The following PLOD1 variants were observed in gnomAD, a reference collection of about 807,000 sequenced individuals.
PLOD1 encodes the protein lysine hydroxylase.
In PLOD1, 70 loss-of-function variants were observed where a neutral mutation model predicts 94.7. The ratio of observed to expected loss-of-function variants is 0.74; its 90% CI spans 0.61 to 0.90. The LOEUF is 0.90. PLOD1 is among the 40% of genes least tolerant of loss of function. The probability of loss-of-function intolerance (pLI) is 0.00; values close to 1 mark genes in which losing one functional copy is unlikely to be tolerated. For missense variants in PLOD1, 905 were observed against 972.7 expected (o/e 0.93, Z 0.93); for synonymous variants, 417 against 400.2 (o/e 1.04, Z -0.50).
intron 1 of PLOD1, among the ~76,000 whole-genome samples, chr1:11,942,785 A>G (rs1422380013): frequency 2.0e-5 from 3 of 152,068 alleles, no homozygotes; most frequent in Non-Finnish European, 4.4e-5. Flanking sequence ...AAAGGTAGGA[A>G]AAATCCAGAC....
In PLOD1 at chr1:11,947,984, T is replaced by C; in HGVS notation, c.85T>C (p.Leu29=). The stretch of plus-strand genomic sequence containing the variant: ...CCCTCCTCTGTCTGCAGACAACCTT[T>C]TAGTCCTCACGGTGGCCACTAAGGA... ...KGDAKPEDNL[L]VLTVATKETE... The change falls in exon 2 of 19, where the codon TTA becomes CTA. Residue 29 remains leucine, a synonymous_variant. Transcript: ENST00000196061. The C allele has an allele frequency of 6.2e-7, 1 of 1,610,728 alleles. No individual in the cohort carries two copies.
rs991268106 is a variant in PLOD1, at chr1:11,934,717, G to A, written c.-63G>A. On this transcript the variant is annotated 5_prime_UTR_variant, in exon 1 of 19. Transcript: ENST00000196061. ...GCGTGGCAGCGGGACCTGCGGCCCC[G>A]TCGCGAAGTTTCCAGCCCTGCGAGC... The A allele has an allele frequency of 1.3e-6, 2 of 1,507,074 alleles. No homozygotes were observed. The highest frequency in any genetic ancestry group is 1.4e-5 in the African/African-American group (1 of 69,026). The allele number at this position is 1,507,074 out of a possible 1,614,324, so 93.4% of individuals were successfully genotyped here.
chr1:11,953,725 G>A (rs535451617), intron 5 of PLOD1, among the ~76,000 whole-genome samples: 1 of 151,728 alleles, frequency 6.6e-6, no homozygotes, highest in Admixed American at 6.6e-5. Context: ...CTGGGAGGCG[G>A]AGGTTGCAGT....
rs1645690340 is a variant in PLOD1 at position 11,950,352 on chromosome 1, C to T, written c.303-5C>T. On this transcript the variant is annotated splice_polypyrimidine_tract_variant and splice_region_variant and intron_variant, in intron 3 of 18. Transcript: ENST00000196061. The stretch of plus-strand genomic sequence containing the variant: ...TGCTCCGTCTTCTCGCTGCTCTGGC[C>T]ACAGCTATGACGTGCTGTTTGCATC... 1 of 1,614,026 alleles carries T rather than the reference C, an allele frequency of 6.2e-7. No homozygotes were observed. The highest frequency in any genetic ancestry group is 8.5e-7 in the Non-Finnish European group (1 of 1,179,940).
chr1:11,960,008 C>T (rs193273040), intron 9 of PLOD1, among the ~76,000 whole-genome samples: 2 of 145,664 alleles, frequency 1.4e-5, no homozygotes, highest in Non-Finnish European at 3.0e-5. Context: ...TGGCTCACTG[C>T]AACCTCCGCC....
intron 1 of PLOD1, among the ~76,000 whole-genome samples, chr1:11,947,236 C>CA (rs58975312): frequency 0.085 from 10,559 of 124,012 alleles, 1,001 homozygotes; most frequent in African/African-American, 0.25. Flanking sequence ...GATGCTGTCT[C>CA]AAAAAAAAAA....
At chr1:11,939,217 G>C (rs1350206866) in intron 1 of PLOD1, among the ~76,000 whole-genome samples, 1 of 152,082 alleles carries the variant, frequency 6.6e-6, no homozygotes, top group Non-Finnish European at 1.5e-5. Flanking sequence ...TGGATGGTGT[G>C]GGGGTGGGGC....
At chr1:11,944,350 C>T (rs575390299) in intron 1 of PLOD1, among the ~76,000 whole-genome samples, 1 of 152,136 alleles carries the variant, frequency 6.6e-6, no homozygotes, top group South Asian at 2.1e-4. Context: ...CCACCCCATC[C>T]CCTTCCCCCA....
In PLOD1 at chr1:11,964,081, G is replaced by A. The variant is rs903254048; in HGVS notation, c.1203-94G>A. ...GGTGCTTGGGGATCCCTGCGTGCAG[G>A]TTGAGGGGCACCTACCTCCCCCCAT... On this transcript the variant is annotated intron_variant, in intron 11 of 18. Transcript: ENST00000196061. The A allele has an allele frequency of 5.4e-6, 7 of 1,302,134 alleles. No homozygotes were observed. In the African/African-American group the frequency reaches 8.7e-5, roughly 16 times the overall value. 80.7% of individuals were successfully genotyped at this position (1,302,134 alleles called of 1,614,324 possible).
intron 1 of PLOD1, among the ~76,000 whole-genome samples, chr1:11,938,568 T>C (rs574711151): frequency 1.3e-5 from 2 of 152,134 alleles, no homozygotes; most frequent in East Asian, 3.9e-4. Context: ...CTGACTAGTG[T>C]GTGTGTTTGG....
Position 11,975,104 on chromosome 1 carries a change from G to GC in PLOD1, c.*301dup. On this transcript the variant is annotated 3_prime_UTR_variant, in exon 19 of 19. Transcript: ENST00000196061. ...CAACCTGTCTTCCTGAAAAACCAAG[G>GC]CCCCCTTCCCCCACCTCTTCCATGG... 1 of 472,500 alleles carries GC rather than the reference G, an allele frequency of 2.1e-6. No homozygotes were observed. Among genetic ancestry groups the GC allele is most frequent in the Non-Finnish European group, 3.9e-6 (1 of 257,902 alleles). 29.3% of individuals were successfully genotyped at this position (472,500 alleles called of 1,614,324 possible). A position where few individuals can be genotyped will look rare whatever the true frequency, so the allele number is the denominator to read the frequency against.
At chr1:11,942,564 A>G (rs954719585) in intron 1 of PLOD1, among the ~76,000 whole-genome samples, 2 of 152,144 alleles carry the variant, frequency 1.3e-5, no homozygotes, top group Non-Finnish European at 2.9e-5. Context: ...CAGACAGGTC[A>G]AGGGAATGGG....
In PLOD1 at chr1:11,957,055, A is replaced by G. The variant is rs373584054; in HGVS notation, c.741+41A>G. ...CCCCTGGGGAGTGTGGGAGGGGGCCAGAGCCCTAATTTCATTCTCACTGTG... is the reference window on the plus strand; with the variant it reads ...CCCCTGGGGAGTGTGGGAGGGGGCCGGAGCCCTAATTTCATTCTCACTGTG... On this transcript the variant is annotated intron_variant, in intron 7 of 18. Coordinates refer to ENST00000196061, the MANE Select transcript of PLOD1 (RefSeq NM_000302.4). This position sits in a 1 kb window ranked among gnomAD's most constrained non-coding sequence, Gnocchi z 4.1. The G allele has an allele frequency of 2.0e-4, 261 of 1,306,278 alleles. No individual in the cohort carries two copies. The highest frequency in any genetic ancestry group is 2.8e-4 in the Non-Finnish European group (250 of 899,166). The allele number at this position is 1,306,278 out of a possible 1,614,324, so 80.9% of individuals were successfully genotyped here. A position where few individuals can be genotyped will look rare whatever the true frequency, so the allele number is the denominator to read the frequency against.
At chr1:11,937,460 C>T (rs568170226) in intron 1 of PLOD1, among the ~76,000 whole-genome samples, 1 of 152,180 alleles carries the variant, frequency 6.6e-6, no homozygotes, top group African/African-American at 2.4e-5. Context: ...CGCTGACCAC[C>T]GGGCTGTGCA....
At chr1:11,944,801 A>C (rs900682793) in intron 1 of PLOD1, 1 of 522,388 alleles carries the variant, frequency 1.9e-6, no homozygotes, top group Admixed American at 4.4e-5. Context: ...TGCCCCGGCT[A>C]CCCCTGCCCC....
chr1:11,963,889 C>T lies in PLOD1; in HGVS notation c.1202+253C>T, dbSNP rs1645797036. ...TCTCCTCCTCCTCTTCCTCCTCCTC[C>T]TTGGCCTCACCTATTACCCAGAGCT... is the stretch of plus-strand genomic sequence containing the variant. On this transcript the variant is annotated intron_variant, in intron 11 of 18. Transcript: ENST00000196061. This position sits in a 1 kb window ranked among gnomAD's most constrained non-coding sequence, Gnocchi z 4.3. 6.6e-6 allele frequency among the ~76,000 whole-genome samples: 1 copy of T among 152,036 alleles called. No homozygotes were observed. The highest frequency in any genetic ancestry group is 1.5e-5 in the Non-Finnish European group (1 of 67,996).
In PLOD1 at chr1:11,954,868, C is replaced by T; in HGVS notation, c.618C>T (p.Ile206=). The part of the protein sequence containing the change: ...INITLDHRCR[I]FQNLDGALDE... ...TCACCCTGGACCACCGCTGCCGTATCTTCCAGAACCTGGATGGAGCCTTGG... is the reference window on the plus strand; with the variant it reads ...TCACCCTGGACCACCGCTGCCGTATTTTCCAGAACCTGGATGGAGCCTTGG... The change falls in exon 6 of 19, where the codon ATC becomes ATT. Residue 206 remains isoleucine (I), a synonymous_variant. Coordinates refer to ENST00000196061, the MANE Select transcript of PLOD1 (RefSeq NM_000302.4). The T allele has an allele frequency of 6.2e-7, 1 of 1,613,848 alleles. No individual in the cohort carries two copies. The highest frequency in any genetic ancestry group is 8.5e-7 in the Non-Finnish European group (1 of 1,179,726).
At chr1:11,953,563 G>A (rs373070743) in intron 5 of PLOD1, among the ~76,000 whole-genome samples, 161 of 151,720 alleles carry the variant, frequency 1.1e-3, no homozygotes, top group Non-Finnish European at 1.9e-3. Context: ...AGGCCAAAGC[G>A]GGTGGATCAC....
intron 1 of PLOD1, among the ~76,000 whole-genome samples, chr1:11,936,105 A>G (rs578222182): frequency 6.6e-6 from 1 of 152,272 alleles, no homozygotes; most frequent in Admixed American, 6.5e-5. Context: ...TTGGGATTAC[A>G]GGCGTGAGCC....
Sources: allele counts gnomAD v4.1 joint callset (sites outside exome capture counted in the v4.1 genomes callset), GRCh38; gene constraint gnomAD v4.1.1; non-coding constraint Gnocchi (gnomAD v3.1); transcripts MANE v1.5; gene names NCBI Gene and HGNC (gene_info 2026-07-23, HGNC 2026-07-21).